DLGAP1: variants seen among roughly 807,000 people sequenced by gnomAD.
The protein encoded by DLGAP1 is disks large-associated protein 1.
In DLGAP1, 11 loss-of-function variants were observed where a neutral mutation model predicts 90.8. The ratio of observed to expected loss-of-function variants is 0.12; its 90% CI spans 0.08 to 0.20. The LOEUF is 0.20. DLGAP1 is among the 10% of genes least tolerant of loss of function. DLGAP1 has a pLI of 1.00. For synonymous variants in DLGAP1, 558 were observed against 540.7 expected (o/e 1.03, Z -0.44); for missense variants, 1,050 against 1,333.8 (o/e 0.79, Z 3.31).
chr18:4,405,435 A>C (rs181863267), intron 1 of DLGAP1, among the ~76,000 whole-genome samples: 1 of 152,232 alleles, frequency 6.6e-6, no homozygotes, highest in African/African-American at 2.4e-5. Flanking sequence ...AGAAAAAAAA[A>C]CATATTTCCT....
intron 7 of DLGAP1, among the ~76,000 whole-genome samples, chr18:3,635,854 A>T (rs1338566704): frequency 2.0e-5 from 3 of 151,416 alleles, no homozygotes; most frequent in South Asian, 2.1e-4. Context: ...CTTCCTCAAT[A>T]ATCACTGGAT....
intron 1 of DLGAP1, among the ~76,000 whole-genome samples, chr18:4,166,753 T>A (rs916788524): frequency 6.6e-6 from 1 of 152,238 alleles, no homozygotes; most frequent in Non-Finnish European, 1.5e-5. Flanking sequence ...GCAACATTGA[T>A]GAACTAAGTG....
At chr18:4,162,928 A>C (rs193029632) in intron 1 of DLGAP1, among the ~76,000 whole-genome samples, 5 of 151,770 alleles carry the variant, frequency 3.3e-5, no homozygotes, top group African/African-American at 9.6e-5. Context: ...TTAAAAAAAA[A>C]CATAATATCA....
At chr18:3,802,616 T>G (rs1598810147) in intron 5 of DLGAP1, among the ~76,000 whole-genome samples, 1 of 152,344 alleles carries the variant, frequency 6.6e-6, no homozygotes, top group East Asian at 1.9e-4. Context: ...TTCTTTTTTT[T>G]GGACAAATAT....
At chr18:3,852,990 A>C (rs959657971) in intron 4 of DLGAP1, among the ~76,000 whole-genome samples, 2 of 151,998 alleles carry the variant, frequency 1.3e-5, no homozygotes, top group African/African-American at 4.8e-5. Flanking sequence ...AGTCTATATT[A>C]AATCCTGAAA....
chr18:3,642,843 G>T (rs2058986494), intron 7 of DLGAP1, among the ~76,000 whole-genome samples: 1 of 152,164 alleles, frequency 6.6e-6, no homozygotes, highest in African/African-American at 2.4e-5. Flanking sequence ...TATACTGCTG[G>T]TGGGAGTACA....
chr18:3,542,228 C>T (rs1408399556), intron 9 of DLGAP1, among the ~76,000 whole-genome samples: 2 of 152,200 alleles, frequency 1.3e-5, no homozygotes, highest in Non-Finnish European at 2.9e-5. Context: ...TACGCATCTG[C>T]TCCCATTTCC....
Position 4,378,312 on chromosome 18 carries a change from T to C in DLGAP1, c.-267+76694A>G, listed in dbSNP as rs200165885. On this transcript the variant is annotated intron_variant, in intron 1 of 12. Transcript: ENST00000315677. The surrounding 1 kb of genome is among the most constrained non-coding windows in gnomAD (Gnocchi z 4.5). ...AGTTTTGTGTTACTTACATTGAACA[T>C]GTAACTCTATCACTTTTCAATTAAA... is the stretch of plus-strand genomic sequence containing the variant. 1.3e-5 allele frequency among the ~76,000 whole-genome samples: 2 copies of C among 151,978 alleles called. No homozygotes were observed. The highest frequency in any genetic ancestry group is 4.8e-5 in the African/African-American group (2 of 41,400).
chr18:3,973,169 A>C (rs1442887377), intron 3 of DLGAP1, among the ~76,000 whole-genome samples: 2 of 152,122 alleles, frequency 1.3e-5, no homozygotes, highest in Non-Finnish European at 2.9e-5. Context: ...ACAATGTACA[A>C]AATAATTTCC....
chr18:3,681,863 C>T (rs888138234), intron 7 of DLGAP1, among the ~76,000 whole-genome samples: 1 of 151,950 alleles, frequency 6.6e-6, no homozygotes, highest in Admixed American at 6.6e-5. Flanking sequence ...GGCGCCGTGG[C>T]TCCCAGCACT....
At chr18:4,043,350 T>G (rs2075003494) in intron 2 of DLGAP1, among the ~76,000 whole-genome samples, 1 of 152,232 alleles carries the variant, frequency 6.6e-6, no homozygotes, top group Admixed American at 6.5e-5. Flanking sequence ...GGCAGAAATG[T>G]ATGAATCATA....
rs117125738 is a variant in DLGAP1 at position 3,908,323 on chromosome 18, G to T, written c.-72-28183C>A. Reference sequence around the variant, plus strand: ...TAATCTCATGATATATTACTTAGAGGTAGTTGCCATATAGGATTAAAAGTA... The same window carrying T: ...TAATCTCATGATATATTACTTAGAGTTAGTTGCCATATAGGATTAAAAGTA... On this transcript the variant is annotated intron_variant, in intron 3 of 12. Transcript: ENST00000315677. 1.4e-3 allele frequency among the ~76,000 whole-genome samples: 208 copies of T among 152,256 alleles called. 1 individual carries two copies. The highest frequency in any genetic ancestry group is 2.4e-3 in the Non-Finnish European group (161 of 68,020).
intron 1 of DLGAP1, among the ~76,000 whole-genome samples, chr18:4,228,090 A>G (rs2078229516): frequency 6.6e-6 from 1 of 151,574 alleles, no homozygotes; most frequent in Non-Finnish European, 1.5e-5. Context: ...GCAATAAATT[A>G]GAAAAACTAG....
At chr18:4,326,848 T>G (rs2080829169) in intron 1 of DLGAP1, among the ~76,000 whole-genome samples, 1 of 151,968 alleles carries the variant, frequency 6.6e-6, no homozygotes, top group South Asian at 2.1e-4. Context: ...TGGGCCTACT[T>G]GAGGGTGAAG....
intron 7 of DLGAP1, among the ~76,000 whole-genome samples, chr18:3,631,567 T>G (rs2058525911): frequency 6.6e-6 from 1 of 151,812 alleles, no homozygotes; most frequent in Non-Finnish European, 1.5e-5. Context: ...GGCAACATAG[T>G]GAGACCTTGA....
chr18:4,003,044 T>C (rs945375266), intron 3 of DLGAP1, among the ~76,000 whole-genome samples: 1 of 152,298 alleles, frequency 6.6e-6, no homozygotes, highest in African/African-American at 2.4e-5. Context: ...GTCACAAACA[T>C]CTCTCCTTCC....
intron 1 of DLGAP1, among the ~76,000 whole-genome samples, chr18:4,238,785 T>G (rs1363993536): frequency 2.0e-5 from 3 of 152,196 alleles, no homozygotes; most frequent in African/African-American, 7.2e-5. Flanking sequence ...ATGGGTGCCC[T>G]TTAGGCAAAG....
intron 10 of DLGAP1, among the ~76,000 whole-genome samples, chr18:3,527,093 G>C (rs980101430): frequency 6.6e-6 from 1 of 152,144 alleles, no homozygotes; most frequent in Non-Finnish European, 1.5e-5. Flanking sequence ...GGCACCCAAA[G>C]AATGTATAGT....
intron 7 of DLGAP1, among the ~76,000 whole-genome samples, chr18:3,673,315 A>T (rs2146776110): frequency 6.6e-6 from 1 of 152,212 alleles, no homozygotes; most frequent in South Asian, 2.1e-4. Context: ...TATCTCTATT[A>T]TGGCCCTTAC....
Sources: allele counts gnomAD v4.1 joint callset (sites outside exome capture counted in the v4.1 genomes callset), GRCh38; gene constraint gnomAD v4.1.1; non-coding constraint Gnocchi (gnomAD v3.1); transcripts MANE v1.5; gene names NCBI Gene and HGNC (gene_info 2026-07-23, HGNC 2026-07-21).